The following CBFA2T3 variants were observed in gnomAD, a reference collection of about 807,000 sequenced individuals.
CBFA2T3 encodes CBFA2/RUNX1 partner transcriptional co-repressor 3.
Under a neutral mutation model 58.6 loss-of-function variants are expected in CBFA2T3, and 31 were observed. The ratio of observed to expected loss-of-function variants is 0.53; its 90% CI spans 0.40 to 0.71. CBFA2T3 has a LOEUF of 0.71. CBFA2T3 is among the 30% of genes least tolerant of loss of function. CBFA2T3 has a pLI of 0.00. For missense variants in CBFA2T3, 1,076 were observed against 963.1 expected, an observed-to-expected ratio of 1.12 and a Z score of -1.55; for synonymous variants, 531 against 421.9, an observed-to-expected ratio of 1.26 and a Z score of -3.17.
At chr16:88,908,579 C>T (rs143417325) in intron 1 of CBFA2T3, among the ~76,000 whole-genome samples, 3 of 152,308 alleles carry the variant, frequency 2.0e-5, no homozygotes, top group African/African-American at 7.2e-5. Context: ...CCCAGCCCGC[C>T]CTGCCCAGCT....
intron 1 of CBFA2T3, among the ~76,000 whole-genome samples, chr16:88,969,526 T>C (rs1972596773): frequency 6.6e-6 from 1 of 152,272 alleles, no homozygotes; most frequent in East Asian, 1.9e-4. Flanking sequence ...GCCACCCCGT[T>C]TTACAAACAG....
At chr16:88,905,462 G>A (rs534364711) in intron 1 of CBFA2T3, among the ~76,000 whole-genome samples, 3 of 152,052 alleles carry the variant, frequency 2.0e-5, no homozygotes, top group South Asian at 4.1e-4. Context: ...CACACTGGGC[G>A]GTCCTGCCTC....
chr16:88,898,172 A>T lies in CBFA2T3; in HGVS notation c.305-20T>A. On this transcript the variant is annotated intron_variant, in intron 2 of 11. Transcript: ENST00000268679. The stretch of plus-strand genomic sequence containing the variant: ...CTCGATCTGTAAGCAAAATAAGAAG[A>T]ACACGCTGTCAGGAGGGGCGTGGGC... 1 of 1,599,946 alleles carries T rather than the reference A, an allele frequency of 6.3e-7. No homozygotes were observed. The highest frequency in any genetic ancestry group is 8.6e-7 in the Non-Finnish European group (1 of 1,169,102).
chr16:88,913,562 C>T (rs1970595304), intron 1 of CBFA2T3, among the ~76,000 whole-genome samples: 1 of 152,172 alleles, frequency 6.6e-6, no homozygotes, highest in South Asian at 2.1e-4. Flanking sequence ...AGAGAAGTGA[C>T]CCATCTTGTC....
intron 1 of CBFA2T3, among the ~76,000 whole-genome samples, chr16:88,910,869 G>A (rs1436012589): frequency 6.7e-6 from 1 of 148,684 alleles, no homozygotes; most frequent in African/African-American, 2.4e-5. Context: ...TGACCAGGAG[G>A]CGGCTCCCTC....
intron 1 of CBFA2T3, among the ~76,000 whole-genome samples, chr16:88,908,850 A>T (rs1189861182): frequency 6.6e-6 from 1 of 152,214 alleles, no homozygotes; most frequent in East Asian, 1.9e-4. Flanking sequence ...CACGGTGATG[A>T]CGTCCTACTG....
At position 88,901,521 on chromosome 16, in the gene CBFA2T3, G is replaced by C; in HGVS notation, c.287C>G (p.Ser96Cys). The part of the protein sequence containing the change: ...AASQGATRPP[S>C]FTPHTHREDG... ...CTACTTACGTGTGTGTGGCGTGAAG[G>C]AGGGGGGGCGTGTGGCCCCCTGGGA... Residue 96 changes from serine (S) to cysteine (C), a missense_variant, in exon 2 of 12, where the codon TCC becomes TGC. Physicochemically the swap from Ser to Cys is moderately radical, Grantham distance 112. Transcript: ENST00000268679. 6.8e-7 allele frequency: 1 copy of C among 1,476,220 alleles called. No individual in the cohort carries two copies. Among genetic ancestry groups the C allele is most frequent in the Non-Finnish European group, 8.9e-7 (1 of 1,117,348 alleles). 91.4% of individuals were successfully genotyped at this position (1,476,220 alleles called of 1,614,324 possible).
chr16:88,970,183 G>A (rs1359826238), intron 1 of CBFA2T3, among the ~76,000 whole-genome samples: 1 of 152,264 alleles, frequency 6.6e-6, no homozygotes, highest in African/African-American at 2.4e-5. Context: ...TTTCACTCCA[G>A]GAGGCGGTGG....
chr16:88,892,637 C>A lies in CBFA2T3; in HGVS notation c.380-152G>T, dbSNP rs1185775432. On this transcript the variant is annotated intron_variant, in intron 3 of 11. Transcript: ENST00000268679. ...ACAAGGACAGTAGCGCTGAGGATGA[C>A]AGCAGGAGCCCTGGGCCCGCCCAGG... is the stretch of plus-strand genomic sequence containing the variant. The A allele has an allele frequency of 4.2e-6, 4 of 947,686 alleles. No homozygotes were observed. The African/African-American group carries it at 4.8e-5, about 11-fold the overall frequency. 58.7% of individuals were successfully genotyped at this position (947,686 alleles called of 1,614,324 possible). A position where few individuals can be genotyped will look rare whatever the true frequency, so the allele number is the denominator to read the frequency against.
intron 1 of CBFA2T3, among the ~76,000 whole-genome samples, chr16:88,907,828 C>T (rs1371017640): frequency 6.6e-6 from 1 of 152,276 alleles, no homozygotes; most frequent in Non-Finnish European, 1.5e-5. Flanking sequence ...TTCCCACCCT[C>T]GATGGCTCAG....
At chr16:88,891,209 C>T (rs2142580164) in intron 5 of CBFA2T3, among the ~76,000 whole-genome samples, 1 of 152,140 alleles carries the variant, frequency 6.6e-6, no homozygotes, top group South Asian at 2.1e-4. Context: ...CCCACGTATT[C>T]TGTTCCAGTC....
chr16:88,881,487 G>T lies in CBFA2T3; in HGVS notation c.1206C>A (p.Leu402=). ...WAEEWKHLNN[L]LNCIMDMVEK... Reference sequence around the variant, plus strand: ...CCACCATGTCCATGATGCAGTTCAGGAGCTGGGGGCGGGCGGCGCAGCCTT... The same window carrying T: ...CCACCATGTCCATGATGCAGTTCAGTAGCTGGGGGCGGGCGGCGCAGCCTT... Residue 402 remains leucine, a splice_region_variant and synonymous_variant, in exon 9 of 12, where the codon CTC becomes CTA. Coordinates refer to ENST00000268679, the MANE Select transcript of CBFA2T3 (RefSeq NM_005187.6). 6.2e-7 allele frequency: 1 copy of T among 1,600,672 alleles called. No individual in the cohort carries two copies.
chr16:88,965,378 C>A (rs1233322501), intron 1 of CBFA2T3, among the ~76,000 whole-genome samples: 1 of 152,186 alleles, frequency 6.6e-6, no homozygotes, highest in Non-Finnish European at 1.5e-5. Flanking sequence ...CTAGAAAATA[C>A]AGTTTTTGAG....
chr16:88,940,013 A>C (rs939707613), intron 1 of CBFA2T3: 3 of 152,268 alleles, frequency 2.0e-5, no homozygotes, highest in Non-Finnish European at 4.4e-5. Flanking sequence ...CGTCCAGGAG[A>C]GGAAACGCAC....
intron 1 of CBFA2T3, among the ~76,000 whole-genome samples, chr16:88,924,267 C>A (rs529504706): frequency 7.9e-5 from 12 of 152,226 alleles, no homozygotes; most frequent in Non-Finnish European, 1.3e-4. Flanking sequence ...TCCCTGGGAG[C>A]TGCAACGGCT....
At chr16:88,898,267 C>A in intron 2 of CBFA2T3, 115 bp from the exon 3 acceptor site, 1 of 800,788 alleles carries the variant, frequency 1.2e-6, no homozygotes, top group Non-Finnish European at 2.1e-6. Context: ...TTGGTGGGGG[C>A]GTGGGCAGGA....
rs1002605649 is a variant in CBFA2T3, at chr16:88,875,478, G to C, written c.*1498C>G. ...TATGTACACGGTCAGGGTCTTCCCTGGGGAGGAGGCAGAGGGCTGCTTTTG... is the reference window on the plus strand; with the variant it reads ...TATGTACACGGTCAGGGTCTTCCCTCGGGAGGAGGCAGAGGGCTGCTTTTG... On this transcript the variant is annotated 3_prime_UTR_variant, in exon 12 of 12. Transcript: ENST00000268679. 1 of 233,724 alleles carries C rather than the reference G, an allele frequency of 4.3e-6. No individual in the cohort carries two copies. Among genetic ancestry groups the C allele is most frequent in the Admixed American group, 5.6e-5 (1 of 17,780 alleles). The allele number at this position is 233,724 out of a possible 1,614,324, so 14.5% of individuals were successfully genotyped here.
intron 2 of CBFA2T3, 53 bp from the exon 3 acceptor site, chr16:88,898,205 T>G: frequency 7.1e-7 from 1 of 1,417,280 alleles, no homozygotes; most frequent in South Asian, 1.1e-5. Flanking sequence ...GGCAGGAGAC[T>G]CTGCCCTCAG....
At chr16:88,887,815 C>A (rs1250245589) in intron 5 of CBFA2T3, among the ~76,000 whole-genome samples, 1 of 147,756 alleles carries the variant, frequency 6.8e-6, no homozygotes, top group East Asian at 2.0e-4. Context: ...GTTCTGCCTG[C>A]AGAACTTCTG....
Sources: allele counts gnomAD v4.1 joint callset (sites outside exome capture counted in the v4.1 genomes callset), GRCh38; gene constraint gnomAD v4.1.1; transcripts MANE v1.5; gene names NCBI Gene and HGNC (gene_info 2026-07-23, HGNC 2026-07-21).